The following CDC42BPA variants were observed in gnomAD, a reference collection of about 807,000 sequenced individuals.
The protein encoded by CDC42BPA is serine/threonine-protein kinase MRCK alpha.
Under a neutral mutation model 223.5 loss-of-function variants are expected in CDC42BPA, and 80 were observed. The observed-to-expected ratio is 0.36, with a 90% CI of 0.30 to 0.43. The LOEUF (loss-of-function observed/expected upper bound fraction) is 0.43, where lower values mean the gene tolerates loss of function less well. CDC42BPA is among the 20% of genes least tolerant of loss of function. The probability of loss-of-function intolerance (pLI) is 1.00; values close to 1 mark genes in which losing one functional copy is unlikely to be tolerated. For synonymous variants in CDC42BPA, 694 were observed against 718.6 expected (o/e 0.97, Z 0.55); for missense variants, 1,743 against 2,099.9 (o/e 0.83, Z 3.32).
chr1:227,120,010 A>G (rs1473387568), intron 11 of CDC42BPA, 73 bp from the exon 12 acceptor site: 2 of 1,263,804 alleles, frequency 1.6e-6, no homozygotes, highest in East Asian at 2.5e-5. Context: ...TAAAACAACT[A>G]AAATTTTTTT....
At chr1:227,175,655 T>C (rs1666826175) in intron 5 of CDC42BPA, among the ~76,000 whole-genome samples, 1 of 152,204 alleles carries the variant, frequency 6.6e-6, no homozygotes, top group South Asian at 2.1e-4. Context: ...ATTATCCCTA[T>C]TAAATTTGAA....
At chr1:227,220,035 G>C (rs1675552761) in intron 2 of CDC42BPA, among the ~76,000 whole-genome samples, 1 of 151,982 alleles carries the variant, frequency 6.6e-6, no homozygotes, top group South Asian at 2.1e-4. Context: ...CAAGTGCTCT[G>C]ACTTGATCCT....
In CDC42BPA at chr1:227,127,613, T is replaced by C. The variant is rs192562494; in HGVS notation, c.1513+1496A>G. Among the ~76,000 whole-genome samples the C allele has an allele frequency of 1.5e-3, 224 of 152,314 alleles. 2 individuals are homozygous for C. The highest frequency in any genetic ancestry group is 5.2e-3 in the African/African-American group (215 of 41,568). ...CTCTAACACAGACATTCAGTGGCACTCTTAATGTTATTGTTGGTACCAAAG... is the reference window on the plus strand; with the variant it reads ...CTCTAACACAGACATTCAGTGGCACCCTTAATGTTATTGTTGGTACCAAAG... On this transcript the variant is annotated intron_variant, in intron 11 of 36. Coordinates refer to ENST00000366766, the MANE Select transcript of CDC42BPA (RefSeq NM_001394014.1).
chr1:227,040,422 G>C (rs1248245368), intron 23 of CDC42BPA, among the ~76,000 whole-genome samples, 186 bp from the exon 24 acceptor site: 2 of 152,006 alleles, frequency 1.3e-5, no homozygotes, highest in African/African-American at 2.4e-5. Flanking sequence ...ATTTGAACTG[G>C]ACTAAGCTAA....
chr1:227,106,267 T>G (rs909895140), intron 14 of CDC42BPA, among the ~76,000 whole-genome samples: 1 of 152,182 alleles, frequency 6.6e-6, no homozygotes, highest in Non-Finnish European at 1.5e-5. Flanking sequence ...TATTCAAGTC[T>G]TTTGCCCATT....
intron 33 of CDC42BPA, 132 bp downstream of exon 33, chr1:227,016,795 C>T: frequency 1.3e-6 from 1 of 776,546 alleles, no homozygotes. Context: ...TTCATTATTG[C>T]AGTTTTTGAC....
chr1:227,292,462 T>C (rs1689861924), intron 1 of CDC42BPA, among the ~76,000 whole-genome samples: 1 of 152,190 alleles, frequency 6.6e-6, no homozygotes, highest in South Asian at 2.1e-4. Context: ...AAAATCTTGC[T>C]CCAATTATTT....
rs1195865727 is a variant in CDC42BPA, at chr1:227,317,026, T to C, written c.157A>G (p.Ile53Val). ...TTACCCCATTCTAGGTATTCGAGAA[T>C]GTTCTTCTCTCTTCTCAATGGAGAA... ...NNSPLRREKNILEYLEWAKPF... is the reference protein window; with the variant it reads ...NNSPLRREKNVLEYLEWAKPF... The change falls in exon 1 of 37, where the codon ATT becomes GTT. Residue 53 changes from isoleucine to valine, a missense_variant. By Grantham distance (29) the Ile-to-Val change is conservative (BLOSUM62 3). Around this residue, in one of 6 missense-constraint regions of CDC42BPA, gnomAD observed 321 missense variants for 488.7 expected, o/e 0.66. Coordinates refer to ENST00000366766, the MANE Select transcript of CDC42BPA (RefSeq NM_001394014.1). 2 of 1,613,326 alleles carry C rather than the reference T, an allele frequency of 1.2e-6. No homozygotes were observed. The highest frequency in any genetic ancestry group is 1.7e-6 in the Non-Finnish European group (2 of 1,179,496).
At chr1:227,033,520 AC>A in intron 26 of CDC42BPA, 105 bp from the exon 27 acceptor site, 1 of 653,346 alleles carries the variant, frequency 1.5e-6, no homozygotes, top group Non-Finnish European at 2.7e-6. Flanking sequence ...TGCACCAAAC[AC>A]CCAAATTTAA....
At chr1:227,000,113 T>C (rs1662496133) in intron 35 of CDC42BPA, among the ~76,000 whole-genome samples, 1 of 123,198 alleles carries the variant, frequency 8.1e-6, no homozygotes, top group South Asian at 2.3e-4. Flanking sequence ...ATAATAATAA[T>C]AATAATAATA....
intron 10 of CDC42BPA, among the ~76,000 whole-genome samples, chr1:227,130,540 T>C (rs919424386): frequency 6.6e-6 from 1 of 152,056 alleles, no homozygotes; most frequent in Non-Finnish European, 1.5e-5. Context: ...GGGTAGAAAA[T>C]GGGGAGACAT....
chr1:227,055,473 T>C (rs1220173858), intron 21 of CDC42BPA, among the ~76,000 whole-genome samples: 2 of 152,158 alleles, frequency 1.3e-5, no homozygotes, highest in African/African-American at 4.8e-5. Context: ...GAATACATGC[T>C]GGCATTTAAA....
intron 1 of CDC42BPA, among the ~76,000 whole-genome samples, chr1:227,277,883 A>G (rs1197530963): frequency 6.6e-6 from 1 of 151,928 alleles, no homozygotes; most frequent in Non-Finnish European, 1.5e-5. Context: ...CCGAGTAGCT[A>G]GGACTACAGG....
intron 1 of CDC42BPA, among the ~76,000 whole-genome samples, chr1:227,287,305 ATG>A (rs1688970503): frequency 6.6e-6 from 1 of 152,204 alleles, no homozygotes; most frequent in African/African-American, 2.4e-5. Context: ...AGGTTGGTCT[ATG>A]GCTGGCATCT....
intron 35 of CDC42BPA, among the ~76,000 whole-genome samples, chr1:227,003,204 A>C (rs1411489478): frequency 6.6e-6 from 1 of 152,230 alleles, no homozygotes; most frequent in Non-Finnish European, 1.5e-5. Context: ...CGAGAATAGA[A>C]GGGAACAAGT....
Position 227,033,849 on chromosome 1 carries a change from GT to G in CDC42BPA, c.3477-435del, listed in dbSNP as rs143804919. Among the ~76,000 whole-genome samples the G allele has an allele frequency of 9.2e-3, 1,403 of 152,156 alleles. 24 individuals carry two copies. Among genetic ancestry groups the G allele is most frequent in the African/African-American group, 0.032 (1,340 of 41,524 alleles). On this transcript the variant is annotated intron_variant, in intron 26 of 36. Transcript: ENST00000366766. ...TTCTTGTGATTCCCTTAATTTTGTT[GT>G]TGGTACCATGACTCCCTTAGTCTTA... is the stretch of plus-strand genomic sequence containing the variant.
chr1:227,227,872 GATAA>G (rs1677114706), intron 2 of CDC42BPA, among the ~76,000 whole-genome samples: 1 of 152,146 alleles, frequency 6.6e-6, no homozygotes, highest in Non-Finnish European at 1.5e-5. Context: ...ACTAGTAAAT[GATAA>G]ATGTTCCATG....
Position 227,145,631 on chromosome 1 carries a change from A to G in CDC42BPA, c.1001T>C (p.Ile334Thr). The change falls in exon 8 of 37, where the codon ATA (isoleucine) becomes ACA (threonine). Residue 334 changes from isoleucine to threonine, a missense_variant. By Grantham distance (89) the Ile-to-Thr change is moderately conservative (BLOSUM62 -1). Transcript: ENST00000366766. ...SREHRLGQNG[I>T]EDFKKHPFFS... ...AAATGGGTGTTTCTTAAAGTCTTCT[A>G]TTCCATTTTGACCAAGTCGATGTTC... The G allele has an allele frequency of 6.2e-7, 1 of 1,613,882 alleles. No homozygotes were observed. The highest frequency in any genetic ancestry group is 8.5e-7 in the Non-Finnish European group (1 of 1,179,850).
intron 1 of CDC42BPA, among the ~76,000 whole-genome samples, chr1:227,294,716 C>T (rs1690328003): frequency 8.5e-6 from 1 of 117,752 alleles, no homozygotes; most frequent in South Asian, 2.8e-4. Flanking sequence ...AAAAATTAGC[C>T]GGGCGTGGTA....
Sources: allele counts gnomAD v4.1 joint callset (sites outside exome capture counted in the v4.1 genomes callset), GRCh38; gene constraint gnomAD v4.1.1; regional missense constraint gnomAD v4.1.1; transcripts MANE v1.5; gene names NCBI Gene and HGNC (gene_info 2026-07-23, HGNC 2026-07-21).